The following GPC6 variants were observed in gnomAD, a reference collection of about 807,000 sequenced individuals.
GPC6 encodes the protein glypican-6.
GPC6 carries 14 observed loss-of-function variants against 55.2 expected under a neutral mutation model. That is an observed-to-expected ratio of 0.25 (90% CI 0.17 to 0.40). The LOEUF (loss-of-function observed/expected upper bound fraction) is 0.40. Among genes scored for constraint, GPC6 ranks in the 10% least tolerant of loss-of-function variants. GPC6 has a pLI of 1.00. For synonymous variants in GPC6, 278 were observed against 259.6 expected, an observed-to-expected ratio of 1.07 and a Z score of -0.68; for missense variants, 641 against 708.5, an observed-to-expected ratio of 0.90 and a Z score of 1.08.
At chr13:93,962,269 T>C (rs1171332488) in intron 3 of GPC6, among the ~76,000 whole-genome samples, 1 of 151,790 alleles carries the variant, frequency 6.6e-6, no homozygotes, top group African/African-American at 2.4e-5. Context: ...GAATAAGTAA[T>C]GGCATCTTTT....
At chr13:93,517,973 A>T (rs377245423) in intron 1 of GPC6, among the ~76,000 whole-genome samples, 8 of 151,650 alleles carry the variant, frequency 5.3e-5, no homozygotes, top group Non-Finnish European at 8.8e-5. Context: ...TTGCTTATTA[A>T]TATTATTATT....
In GPC6 at chr13:93,852,017, A is replaced by C. The variant is rs140113439; in HGVS notation, c.711+21472A>C. Among the ~76,000 whole-genome samples, 1,028 of 151,914 alleles carry C rather than the reference A, an allele frequency of 6.8e-3. 17 individuals carry two copies. The highest frequency in any genetic ancestry group is 0.023 in the African/African-American group (974 of 41,510). On this transcript the variant is annotated intron_variant, in intron 3 of 8. Transcript: ENST00000377047. ...ATAGTCTATAATATCACAGTTTTAC[A>C]TAGAGGTGAAAAAAGCAAAATGTAT...
intron 4 of GPC6, among the ~76,000 whole-genome samples, chr13:94,180,095 C>T (rs980268413): frequency 3.3e-5 from 5 of 151,956 alleles, no homozygotes; most frequent in Non-Finnish European, 7.4e-5. Context: ...ACTCCCTACC[C>T]GAAGGCTGGA....
intron 2 of GPC6, among the ~76,000 whole-genome samples, chr13:93,723,929 A>G (rs545412893): frequency 4.6e-5 from 7 of 152,110 alleles, no homozygotes; most frequent in Admixed American, 3.9e-4. Context: ...AACCTTGTTA[A>G]GGTTGAACAG....
At chr13:93,906,388 T>C (rs1876672170) in intron 3 of GPC6, among the ~76,000 whole-genome samples, 1 of 152,166 alleles carries the variant, frequency 6.6e-6, no homozygotes, top group South Asian at 2.1e-4. Context: ...CAGCTTATTA[T>C]AGTTGGGAAT....
intron 6 of GPC6, among the ~76,000 whole-genome samples, chr13:94,307,321 CT>C (rs905169831): frequency 6.0e-5 from 9 of 149,498 alleles, no homozygotes; most frequent in Middle Eastern, 3.4e-3. Flanking sequence ...TATATCTATT[CT>C]TTTTTTTTTC....
intron 7 of GPC6, among the ~76,000 whole-genome samples, chr13:94,386,341 G>C (rs1201951999): frequency 4.1e-5 from 6 of 146,508 alleles, no homozygotes; most frequent in Non-Finnish European, 9.0e-5. Context: ...GCCTGGGCGA[G>C]AGAGCAAGAC....
intron 4 of GPC6, among the ~76,000 whole-genome samples, chr13:94,276,836 T>C (rs976207819): frequency 2.0e-5 from 3 of 152,226 alleles, no homozygotes; most frequent in African/African-American, 7.2e-5. Flanking sequence ...ATCCAGTCTA[T>C]CACTGATGGG....
intron 4 of GPC6, among the ~76,000 whole-genome samples, chr13:94,034,333 G>A (rs1024643662): frequency 6.6e-6 from 1 of 152,044 alleles, no homozygotes; most frequent in African/African-American, 2.4e-5. Flanking sequence ...TTTAGAAAAC[G>A]GTTTACTCTG....
rs527741076 is a variant in GPC6 at position 93,858,951 on chromosome 13, T to C, written c.711+28406T>C. ...ATCTAATACTATTAATAGTAATGAT[T>C]ATTATTATGTTAAGATGAAAGAAAT... On this transcript the variant is annotated intron_variant, in intron 3 of 8. Coordinates refer to ENST00000377047, the MANE Select transcript of GPC6 (RefSeq NM_005708.5). 1.9e-3 allele frequency among the ~76,000 whole-genome samples: 293 copies of C among 151,550 alleles called. 1 individual carries two copies. The highest frequency in any genetic ancestry group is 6.5e-3 in the African/African-American group (270 of 41,404).
At chr13:93,639,288 G>T (rs547609644) in intron 2 of GPC6, among the ~76,000 whole-genome samples, 3 of 152,216 alleles carry the variant, frequency 2.0e-5, no homozygotes, top group African/African-American at 7.2e-5. Context: ...TGAGGAAGGA[G>T]CAAGCCTGGA....
rs570817877 is a variant in GPC6, at chr13:94,083,299, A to T, written c.877+55405A>T. On this transcript the variant is annotated intron_variant, in intron 4 of 8. Coordinates refer to ENST00000377047, the MANE Select transcript of GPC6 (RefSeq NM_005708.5). ...ACACCCGTCTAATTTTTTGTATTTTAAATAGAGATGGGGTTTCACCGTGTT... is the reference window on the plus strand; with the variant it reads ...ACACCCGTCTAATTTTTTGTATTTTTAATAGAGATGGGGTTTCACCGTGTT... Among the ~76,000 whole-genome samples, 962 of 151,824 alleles carry T rather than the reference A, an allele frequency of 6.3e-3. 9 individuals are homozygous for T. Among genetic ancestry groups the T allele is most frequent in the African/African-American group, 0.021 (875 of 41,408 alleles).
intron 4 of GPC6, among the ~76,000 whole-genome samples, chr13:94,192,689 A>G (rs1307279752): frequency 6.6e-6 from 1 of 152,222 alleles, no homozygotes; most frequent in Non-Finnish European, 1.5e-5. Flanking sequence ...ATTATGAGGT[A>G]CTAACCAAAA....
At chr13:94,059,143 A>G (rs1411926547) in intron 4 of GPC6, among the ~76,000 whole-genome samples, 1 of 151,898 alleles carries the variant, frequency 6.6e-6, no homozygotes, top group African/African-American at 2.4e-5. Flanking sequence ...TTAGCTCAGG[A>G]TTAGGCATTA....
intron 1 of GPC6, among the ~76,000 whole-genome samples, chr13:93,241,654 G>T (rs1263252597): frequency 6.6e-6 from 1 of 151,904 alleles, no homozygotes; most frequent in Admixed American, 6.6e-5. Context: ...TTCTTTATCT[G>T]GTATTTCCAA....
intron 1 of GPC6, among the ~76,000 whole-genome samples, chr13:93,529,150 T>C (rs549056942): frequency 6.6e-6 from 1 of 152,180 alleles, no homozygotes; most frequent in Non-Finnish European, 1.5e-5. Flanking sequence ...TTACTTCTTA[T>C]GATGAGCTCT....
chr13:94,229,843 A>C (rs1890668093), intron 4 of GPC6, among the ~76,000 whole-genome samples: 1 of 152,246 alleles, frequency 6.6e-6, no homozygotes, highest in Admixed American at 6.5e-5. Context: ...AACTCACTTG[A>C]AAATCAACAC....
At chr13:93,315,590 T>C (rs1941468527) in intron 1 of GPC6, among the ~76,000 whole-genome samples, 1 of 151,990 alleles carries the variant, frequency 6.6e-6, no homozygotes, top group Admixed American at 6.6e-5. Flanking sequence ...GAAATTTAAG[T>C]CAACCACTAA....
chr13:94,048,305 A>G (rs1414332331), intron 4 of GPC6, among the ~76,000 whole-genome samples: 1 of 152,102 alleles, frequency 6.6e-6, no homozygotes, highest in Non-Finnish European at 1.5e-5. Flanking sequence ...CCATAAGGAT[A>G]AAATGATAAT....
Sources: gnomAD v4.1 joint callset for allele counts (sites outside exome capture counted in the v4.1 genomes callset) on GRCh38, gnomAD v4.1.1 for gene constraint, MANE v1.5 for transcripts, NCBI Gene and HGNC (gene_info 2026-07-23, HGNC 2026-07-21) for gene names.